Variants in NPR3 observed in about 807,000 individuals in gnomAD.
The protein encoded by NPR3 is natriuretic peptide receptor 3.
NPR3 carries 34 observed loss-of-function variants against 54.5 expected under a neutral mutation model. The ratio of observed to expected loss-of-function variants is 0.62; its 90% CI spans 0.47 to 0.83. NPR3 has a LOEUF of 0.83. Ranked by LOEUF, NPR3 falls within the 40% of genes least tolerant of loss-of-function variation. NPR3 has a pLI of 0.00. For synonymous variants in NPR3, 289 were observed against 297.1 expected, an observed-to-expected ratio of 0.97 and a Z score of 0.28; for missense variants, 674 against 720.8, an observed-to-expected ratio of 0.94 and a Z score of 0.74.
At chr5:32,732,581 CCA>C (rs913757423) in intron 2 of NPR3, among the ~76,000 whole-genome samples, 2 of 152,184 alleles carry the variant, frequency 1.3e-5, no homozygotes, top group Non-Finnish European at 2.9e-5. Context: ...TGTCCATCTT[CCA>C]CAGACTCTGA....
At chr5:32,731,968 G>A (rs899494882) in intron 2 of NPR3, among the ~76,000 whole-genome samples, 11 of 152,030 alleles carry the variant, frequency 7.2e-5, no homozygotes, top group African/African-American at 1.7e-4. Flanking sequence ...TCGGCCGGGC[G>A]CGGTGGCTCA....
At chr5:32,782,307 C>T (rs1422032974) in intron 5 of NPR3, among the ~76,000 whole-genome samples, 2 of 152,070 alleles carry the variant, frequency 1.3e-5, no homozygotes, top group Non-Finnish European at 1.5e-5. Flanking sequence ...AGGCTGGGTA[C>T]CTGTCATATG....
chr5:32,780,697 G>C (rs781157115), intron 4 of NPR3, 25 bp from the exon 5 acceptor site: 1 of 1,045,690 alleles, frequency 9.6e-7, no homozygotes, highest in South Asian at 1.3e-5. Flanking sequence ...AACCAACGTT[G>C]AGTTCTTCGC....
chr5:32,766,374 C>T (rs1741475138), intron 3 of NPR3, among the ~76,000 whole-genome samples: 1 of 152,178 alleles, frequency 6.6e-6, no homozygotes. Flanking sequence ...ACAGCAGAAT[C>T]CCAACCTCAA....
rs533395991 is a variant in NPR3 at position 32,699,362 on chromosome 5, G to A, written c.100+10176G>A. 3.9e-4 allele frequency among the ~76,000 whole-genome samples: 59 copies of A among 152,176 alleles called. 1 individual carries two copies. Among genetic ancestry groups the A allele is most frequent in the African/African-American group, 1.3e-3 (52 of 41,536 alleles). ...ATGTAGGTTTGTTACATAGGTATAC[G>A]TGTGTCATGGTGGTTTGCTGCACTT... On this transcript the variant is annotated intron_variant, in intron 1 of 5. Coordinates refer to the NPR3 transcript ENST00000509104.
intron 2 of NPR3, among the ~76,000 whole-genome samples, chr5:32,727,554 TTTTATG>T (rs1739202222): frequency 6.6e-6 from 1 of 152,224 alleles, no homozygotes; most frequent in Non-Finnish European, 1.5e-5. Context: ...TTGAATTTCT[TTTTATG>T]TTTATAAGCA....
At chr5:32,786,104 G>A in intron 7 of NPR3, 130 bp from the exon 8 acceptor site, 2 of 592,644 alleles carry the variant, frequency 3.4e-6, no homozygotes, top group Non-Finnish European at 6.0e-6. Context: ...TCTCTGACCA[G>A]GGTTTCATAT....
chr5:32,717,355 T>C (rs1300239218), intron 1 of NPR3, among the ~76,000 whole-genome samples: 3 of 152,226 alleles, frequency 2.0e-5, no homozygotes, highest in Admixed American at 6.5e-5. Flanking sequence ...TATAATCCTT[T>C]GGGTATATAC....
At chr5:32,692,018 A>G (rs1422893398) in intron 1 of NPR3, among the ~76,000 whole-genome samples, 1 of 152,236 alleles carries the variant, frequency 6.6e-6, no homozygotes, top group Admixed American at 6.5e-5. Context: ...TTTACAGCAT[A>G]TATTAAACAC....
At chr5:32,720,864 C>T (rs1168969897) in intron 1 of NPR3, among the ~76,000 whole-genome samples, 1 of 152,134 alleles carries the variant, frequency 6.6e-6, no homozygotes, top group Non-Finnish European at 1.5e-5. Flanking sequence ...TCTTCATATA[C>T]TTTCTAAGAG....
upstream of NPR3, chr5:32,710,801 C>T: frequency 6.6e-7 from 1 of 1,522,462 alleles, no homozygotes; most frequent in Non-Finnish European, 8.8e-7. Context: ...CAAGCGGCAC[C>T]TAAGGATTTT....
At chr5:32,783,533 A>G (rs1742448339) in intron 6 of NPR3, 1 of 152,472 alleles carries the variant, frequency 6.6e-6, no homozygotes, top group Non-Finnish European at 1.5e-5. Flanking sequence ...TAGCTTACAA[A>G]TAGGAAAGCT....
intron 3 of NPR3, among the ~76,000 whole-genome samples, chr5:32,749,989 C>A (rs1001192102): frequency 2.6e-5 from 4 of 152,200 alleles, no homozygotes; most frequent in Non-Finnish European, 5.9e-5. Flanking sequence ...CCACTGCATC[C>A]CCCACCTCCA....
chr5:32,758,939 T>G (rs147841731), intron 3 of NPR3, among the ~76,000 whole-genome samples: 4,269 of 152,328 alleles, frequency 0.028, 76 homozygotes, highest in Middle Eastern at 0.088. Flanking sequence ...AATCCTGAGT[T>G]CTAGTTTGAT....
At chr5:32,741,846 C>T (rs1050761669) in intron 3 of NPR3, among the ~76,000 whole-genome samples, 2 of 151,696 alleles carry the variant, frequency 1.3e-5, no homozygotes, top group Non-Finnish European at 2.9e-5. Context: ...CTGCCTTCGA[C>T]TCTGGAGTAG....
rs1250410697 is a variant in NPR3 at position 32,755,858 on chromosome 5, G to GT, written c.1059+16834dup. Reference sequence around the variant, plus strand: ...TATGAGTGAGAACATGCGGTGTTTGGTTTTTTGTTCTTGCGATAGTTTGCT... The same window carrying GT: ...TATGAGTGAGAACATGCGGTGTTTGGTTTTTTTGTTCTTGCGATAGTTTGCT... On this transcript the variant is annotated intron_variant, in intron 3 of 7. Coordinates refer to ENST00000265074, the MANE Select transcript of NPR3 (RefSeq NM_001204375.2). 5.9e-5 allele frequency among the ~76,000 whole-genome samples: 9 copies of GT among 152,198 alleles called. No individual in the cohort carries two copies. In the East Asian group the frequency reaches 9.6e-4, roughly 16 times the overall value.
chr5:32,710,916 GTA>G (rs1554012188), upstream of NPR3: 7 of 782,152 alleles, frequency 8.9e-6, no homozygotes, highest in South Asian at 3.5e-5. Context: ...GTGTGTGTGT[GTA>G]TGTGTGCGTG....
intron 1 of NPR3, among the ~76,000 whole-genome samples, chr5:32,700,258 T>C (rs1740633426): frequency 6.6e-6 from 1 of 152,240 alleles, no homozygotes; most frequent in Non-Finnish European, 1.5e-5. Context: ...GAAAGTTCTC[T>C]GTTATTATCC....
At chr5:32,785,215 C>T (rs1023324154) in intron 7 of NPR3, among the ~76,000 whole-genome samples, 9 of 144,798 alleles carry the variant, frequency 6.2e-5, no homozygotes, top group African/African-American at 1.8e-4. Context: ...TGCAGTGGCA[C>T]GATCTCTGTT....
Sources: allele counts gnomAD v4.1 joint callset (sites outside exome capture counted in the v4.1 genomes callset), GRCh38; gene constraint gnomAD v4.1.1; transcripts MANE v1.5; gene names NCBI Gene and HGNC (gene_info 2026-07-23, HGNC 2026-07-21).